GLYATL3: variants seen among roughly 807,000 people sequenced by gnomAD.
The protein encoded by GLYATL3 is glycine N-acyltransferase-like protein 3.
Under a neutral mutation model 28.5 loss-of-function variants are expected in GLYATL3, and 31 were observed. The observed-to-expected ratio is 1.09, with a 90% confidence interval of 0.82 to 1.47. The LOEUF (loss-of-function observed/expected upper bound fraction) is 1.47, where lower values mean the gene tolerates loss of function less well. Ranked by LOEUF, GLYATL3 falls within the 40% of genes most tolerant of loss-of-function variation. GLYATL3 has a pLI of 0.00. For synonymous variants in GLYATL3, 141 were observed against 140.2 expected (o/e 1.01, Z -0.04); for missense variants, 369 against 351.5 (o/e 1.05, Z -0.40).
At position 49,526,848 on chromosome 6, in the gene GLYATL3, C is replaced by A. The variant is rs1278225926; in HGVS notation, c.801C>A (p.Phe267Leu). ...ISLLKSLHAE[F>L]LPCRFHRLIL... ...TCCTGAAGAGTCTCCATGCTGAGTTCTTGCCTTGTCGCTTCCACAGGCTTA... is the reference window on the plus strand; with the variant it reads ...TCCTGAAGAGTCTCCATGCTGAGTTATTGCCTTGTCGCTTCCACAGGCTTA... Residue 267 changes from phenylalanine (F) to leucine (L), a missense_variant, in exon 6 of 6, where the codon TTC becomes TTA. Transcript: ENST00000371197. 1.3e-6 allele frequency: 2 copies of A among 1,551,696 alleles called. No homozygotes were observed. Among genetic ancestry groups the A allele is most frequent in the African/African-American group, 1.4e-5 (1 of 73,036 alleles).
At chr6:49,524,024 C>A (rs2127240093) in intron 5 of GLYATL3, among the ~76,000 whole-genome samples, 1 of 151,548 alleles carries the variant, frequency 6.6e-6, no homozygotes, top group Non-Finnish European at 1.5e-5. Context: ...TCTTAACTTC[C>A]CACACAACAC....
intron 1 of GLYATL3, among the ~76,000 whole-genome samples, chr6:49,502,067 A>C (rs1768923324): frequency 6.6e-6 from 1 of 152,332 alleles, no homozygotes; most frequent in East Asian, 1.9e-4. Context: ...TGTATTTACA[A>C]TAATCAGGAG....
At position 49,526,735 on chromosome 6, in the gene GLYATL3, G is replaced by A; in HGVS notation, c.688G>A (p.Val230Met). ...TCGCAGGAAAGGTTACAGCCGGCTG[G>A]TGGCCCTCACGCTGGCCAGGAAGTT... ...EHRRKGYSRL[V>M]ALTLARKLQS... The change falls in exon 6 of 6, where the codon GTG (valine) becomes ATG (methionine). Residue 230 changes from valine (V) to methionine (M), a missense_variant. Coordinates refer to ENST00000371197, the MANE Select transcript of GLYATL3 (RefSeq NM_001010904.2). The A allele has an allele frequency of 6.4e-7, 1 of 1,551,764 alleles. No individual in the cohort carries two copies. The highest frequency in any genetic ancestry group is 8.7e-7 in the Non-Finnish European group (1 of 1,146,992).
At chr6:49,506,931 A>G (rs1221359231) in intron 1 of GLYATL3, among the ~76,000 whole-genome samples, 1 of 152,098 alleles carries the variant, frequency 6.6e-6, no homozygotes, top group African/African-American at 2.4e-5. Flanking sequence ...TGAAAGAAAC[A>G]GTAGGCTTAG....
At chr6:49,510,462 A>C (rs1371372932) in intron 1 of GLYATL3, among the ~76,000 whole-genome samples, 1 of 152,240 alleles carries the variant, frequency 6.6e-6, no homozygotes, top group Non-Finnish European at 1.5e-5. Context: ...ATTCAGGCAT[A>C]AAAAGATCTC....
chr6:49,505,129 T>C (rs948300446), intron 1 of GLYATL3, among the ~76,000 whole-genome samples: 1 of 152,174 alleles, frequency 6.6e-6, no homozygotes, highest in Non-Finnish European at 1.5e-5. Flanking sequence ...TTGTTCTGCA[T>C]CTATAATGGC....
intron 1 of GLYATL3, among the ~76,000 whole-genome samples, chr6:49,508,166 G>A (rs1769048401): frequency 6.6e-6 from 1 of 151,828 alleles, no homozygotes; most frequent in Non-Finnish European, 1.5e-5. Flanking sequence ...TGTGGTGGCG[G>A]GCGCCTGTAG....
Position 49,526,858 on chromosome 6 carries a change from C to G in GLYATL3, c.811C>G (p.Arg271Gly), listed in dbSNP as rs1211049480. 1 of 1,551,328 alleles carries G rather than the reference C, an allele frequency of 6.4e-7. No homozygotes were observed. The highest frequency in any genetic ancestry group is 2.0e-5 in the Admixed American group (1 of 50,962). Residue 271 changes from arginine to glycine, a missense_variant, in exon 6 of 6, where the codon CGC (arginine) becomes GGC (glycine). Arg to Gly is a moderately radical substitution (Grantham distance 125). Transcript: ENST00000371197. Reference protein sequence around the residue: ...KSLHAEFLPCRFHRLILTPAT... With the variant: ...KSLHAEFLPCGFHRLILTPAT... The stretch of plus-strand genomic sequence containing the variant: ...TCTCCATGCTGAGTTCTTGCCTTGT[C>G]GCTTCCACAGGCTTATTCTCACCCC...
At chr6:49,517,369 C>G in intron 3 of GLYATL3, 61 bp from the exon 4 acceptor site, 1 of 1,402,728 alleles carries the variant, frequency 7.1e-7, no homozygotes, top group Non-Finnish European at 9.4e-7. Flanking sequence ...TCTAATCTAC[C>G]TAAGATTTGG....
intron 1 of GLYATL3, among the ~76,000 whole-genome samples, chr6:49,501,340 T>C (rs1021804471): frequency 6.6e-6 from 1 of 152,180 alleles, no homozygotes; most frequent in African/African-American, 2.4e-5. Flanking sequence ...CCTAGGTGGA[T>C]TGGCAGGTCG....
rs149972597 is a variant in GLYATL3 at position 49,512,989 on chromosome 6, T to A, written c.78+921T>A. 3.3e-5 allele frequency among the ~76,000 whole-genome samples: 5 copies of A among 152,324 alleles called. No individual in the cohort carries two copies. The East Asian group carries it at 5.8e-4, about 18-fold the overall frequency. ...GGCTAAAAAATAAAATGTACCAAAT[T>A]GACAATCCAACCCAAATTTTCCCAA... is the stretch of plus-strand genomic sequence containing the variant. On this transcript the variant is annotated intron_variant, in intron 2 of 5. Coordinates refer to ENST00000371197, the MANE Select transcript of GLYATL3 (RefSeq NM_001010904.2).
intron 1 of GLYATL3, 108 bp from the exon 2 acceptor site, chr6:49,511,855 T>C: frequency 2.0e-6 from 1 of 500,084 alleles, no homozygotes; most frequent in Non-Finnish European, 3.6e-6. Context: ...GGGGGAGCAA[T>C]GGCAGTCAGA....
chr6:49,511,053 A>G (rs192410358), intron 1 of GLYATL3, among the ~76,000 whole-genome samples: 3 of 152,310 alleles, frequency 2.0e-5, no homozygotes, highest in Non-Finnish European at 4.4e-5. Context: ...TCTCCACCAC[A>G]ACCCCAGAGG....
intron 1 of GLYATL3, among the ~76,000 whole-genome samples, chr6:49,501,876 C>A (rs1430181437): frequency 6.6e-6 from 1 of 152,160 alleles, no homozygotes; most frequent in African/African-American, 2.4e-5. Context: ...CCACAAGGGT[C>A]GCATTCCATT....
intron 2 of GLYATL3, 99 bp from the exon 3 acceptor site, chr6:49,515,554 G>A: frequency 4.5e-6 from 3 of 659,416 alleles, no homozygotes; most frequent in Non-Finnish European, 8.2e-6. Context: ...TTCCCCTCTT[G>A]TGGACATGAT....
At chr6:49,519,467 A>G (rs1159011456) in intron 4 of GLYATL3, among the ~76,000 whole-genome samples, 1 of 152,180 alleles carries the variant, frequency 6.6e-6, no homozygotes, top group Non-Finnish European at 1.5e-5. Flanking sequence ...TAATAGCTGT[A>G]ATGTTCTTGG....
intron 2 of GLYATL3, among the ~76,000 whole-genome samples, chr6:49,513,414 T>C (rs1000731874): frequency 6.6e-5 from 10 of 152,194 alleles, no homozygotes; most frequent in Non-Finnish European, 8.8e-5. Flanking sequence ...TTTCAGTTGG[T>C]TCCAAATCCT....
chr6:49,520,077 G>A (rs578174163), intron 4 of GLYATL3, among the ~76,000 whole-genome samples: 1 of 152,218 alleles, frequency 6.6e-6, no homozygotes, highest in African/African-American at 2.4e-5. Flanking sequence ...TTCATTTGTG[G>A]GAAAGGAGAA....
At position 49,521,760 on chromosome 6, in the gene GLYATL3, T is replaced by C. The variant is rs1417997951; in HGVS notation, c.429T>C (p.Asp143=). ...VHFSPVSSLP[D]TSFLKGPSPR... Reference sequence around the variant, plus strand: ...TTTCTCCTGTTTCATCTCTGCCAGATACCAGTTTCCTGTATGTAAACCAAG... The same window carrying C: ...TTTCTCCTGTTTCATCTCTGCCAGACACCAGTTTCCTGTATGTAAACCAAG... The change falls in exon 5 of 6, where the codon GAT becomes GAC. Residue 143 remains aspartate (D), a synonymous_variant. Coordinates refer to ENST00000371197, the MANE Select transcript of GLYATL3 (RefSeq NM_001010904.2). 3 of 1,551,438 alleles carry C rather than the reference T, an allele frequency of 1.9e-6. No individual in the cohort carries two copies. Among genetic ancestry groups the C allele is most frequent in the South Asian group, 1.2e-5 (1 of 84,036 alleles).
Sources: gnomAD v4.1 joint callset for allele counts (sites outside exome capture counted in the v4.1 genomes callset) on GRCh38, gnomAD v4.1.1 for gene constraint, MANE v1.5 for transcripts, NCBI Gene and HGNC (gene_info 2026-07-23, HGNC 2026-07-21) for gene names.